The following PCDHA8 variants were observed in gnomAD, a reference collection of about 807,000 sequenced individuals.
PCDHA8 encodes protocadherin alpha 8.
PCDHA8 carries 53 observed loss-of-function variants against 61.8 expected under a neutral mutation model. The ratio of observed to expected loss-of-function variants is 0.86; its 90% confidence interval spans 0.69 to 1.08. The LOEUF is 1.08. PCDHA8 is among the 50% of genes least tolerant of loss of function. PCDHA8 has a pLI of 0.00. For missense variants in PCDHA8, 1,293 were observed against 1,245.0 expected (o/e 1.04, Z -0.58); for synonymous variants, 618 against 556.6 (o/e 1.11, Z -1.55).
At chr5:140,989,598 T>C (rs369591964) in intron 3 of PCDHA8, among the ~76,000 whole-genome samples, 431 of 152,260 alleles carry the variant, frequency 2.8e-3, no homozygotes, top group Middle Eastern at 6.8e-3. Flanking sequence ...CTGACACAAG[T>C]AAACTAAAAA....
chr5:140,858,015 C>T lies in PCDHA8; in HGVS notation c.2394+14300C>T, dbSNP rs781847343. ...GTGCTGGTGAAGGACCATGGCGAGC[C>T]GTCGCTGACGGCCACGGCCACTGTG... On this transcript the variant is annotated intron_variant, in intron 1 of 3. Transcript: ENST00000531613. The T allele has an allele frequency of 2.6e-5, 41 of 1,596,884 alleles. 4 individuals carry two copies. Among genetic ancestry groups the T allele is most frequent in the South Asian group, 1.2e-4 (11 of 90,482 alleles).
intron 1 of PCDHA8, among the ~76,000 whole-genome samples, chr5:140,949,849 G>A (rs1381006146): frequency 5.9e-5 from 9 of 151,472 alleles, no homozygotes; most frequent in Admixed American, 2.0e-4. Flanking sequence ...TTCTGTTTCC[G>A]CTTATCTGTT....
At chr5:140,938,876 AAC>A (rs142461507) in intron 1 of PCDHA8, among the ~76,000 whole-genome samples, 10 of 151,120 alleles carry the variant, frequency 6.6e-5, no homozygotes, top group Non-Finnish European at 1.3e-4. Flanking sequence ...GTTAAGAAGC[AAC>A]ACACACACAC....
chr5:140,883,447 C>T (rs967998655), intron 1 of PCDHA8: 13 of 1,614,168 alleles, frequency 8.1e-6, no homozygotes, highest in Non-Finnish European at 1.0e-5. Flanking sequence ...CGCCGCATGT[C>T]CCCTTCAAGC....
chr5:140,857,740 G>A (rs1019130313), intron 1 of PCDHA8: 1 of 1,597,496 alleles, frequency 6.3e-7, no homozygotes, highest in African/African-American at 1.3e-5. Flanking sequence ...CTCCCGCGCT[G>A]CTGGCGTCTC....
intron 3 of PCDHA8, among the ~76,000 whole-genome samples, chr5:141,008,523 C>A (rs2098380908): frequency 6.6e-6 from 1 of 152,182 alleles, no homozygotes; most frequent in Admixed American, 6.5e-5. Context: ...CAATCAGACT[C>A]TTGGGAATGT....
In PCDHA8 at chr5:140,857,247, A is replaced by T. The variant is rs140390466; in HGVS notation, c.2394+13532A>T. 1.3e-4 allele frequency: 206 copies of T among 1,598,558 alleles called. 15 individuals carry two copies. The African/African-American group carries it at 2.2e-3, about 17-fold the overall frequency. On this transcript the variant is annotated intron_variant, in intron 1 of 3. Transcript: ENST00000531613. The stretch of plus-strand genomic sequence containing the variant: ...GTTCCGTTCAAGCTGGTGTCCACCT[A>T]CAAGAATTACTACTCATTGGTGCTG...
chr5:140,937,292 C>T (rs575821972), intron 1 of PCDHA8, among the ~76,000 whole-genome samples: 2 of 152,238 alleles, frequency 1.3e-5, no homozygotes, highest in African/African-American at 4.8e-5. Context: ...CCGCTTCGGC[C>T]TCCCAAAGTG....
chr5:141,007,181 G>A (rs372000063), intron 3 of PCDHA8, among the ~76,000 whole-genome samples: 1 of 152,134 alleles, frequency 6.6e-6, no homozygotes, highest in East Asian at 1.9e-4. Context: ...AAGGTCAGGA[G>A]AATGTTTTGA....
chr5:140,930,768 C>G (rs1049798577), intron 1 of PCDHA8, among the ~76,000 whole-genome samples: 2 of 152,094 alleles, frequency 1.3e-5, no homozygotes, highest in South Asian at 2.1e-4. Context: ...ATTTTCTGTA[C>G]TTAATATTTT....
At chr5:140,912,139 GTTC>G (rs2075787473) in intron 1 of PCDHA8, among the ~76,000 whole-genome samples, 1 of 152,162 alleles carries the variant, frequency 6.6e-6, no homozygotes. Context: ...ATCTCTCCAT[GTTC>G]TTCTGCCTGT....
chr5:140,862,657 C>T (rs2047475881), intron 1 of PCDHA8: 2 of 545,364 alleles, frequency 3.7e-6, no homozygotes, highest in South Asian at 2.8e-5. Context: ...CGCGCGGGAC[C>T]GGGACGCGCA....
chr5:140,986,285 A>AGACT (rs1311762694), intron 3 of PCDHA8, among the ~76,000 whole-genome samples: 3 of 152,134 alleles, frequency 2.0e-5, no homozygotes, highest in Admixed American at 2.0e-4. Flanking sequence ...GCTTCCCTTG[A>AGACT]GACTGAGCAG....
intron 1 of PCDHA8, among the ~76,000 whole-genome samples, chr5:140,961,843 G>T (rs1244708157): frequency 1.3e-5 from 2 of 151,972 alleles, no homozygotes; most frequent in Non-Finnish European, 2.9e-5. Flanking sequence ...CAGTGCCTTG[G>T]AAGATCATTT....
At chr5:140,998,055 T>C (rs2097794971) in intron 3 of PCDHA8, among the ~76,000 whole-genome samples, 1 of 152,190 alleles carries the variant, frequency 6.6e-6, no homozygotes, top group Non-Finnish European at 1.5e-5. Flanking sequence ...AGTGACATCA[T>C]CATCAACAGA....
intron 1 of PCDHA8, among the ~76,000 whole-genome samples, chr5:140,918,975 T>C (rs141194276): frequency 6.6e-6 from 1 of 152,310 alleles, no homozygotes; most frequent in East Asian, 1.9e-4. Flanking sequence ...ATCGTTTAGG[T>C]TAGTTGGTTT....
rs139745274 is a variant in PCDHA8, at chr5:140,994,788, C to T, written c.2542+12225C>T. On this transcript the variant is annotated intron_variant, in intron 3 of 3. Coordinates refer to ENST00000531613, the MANE Select transcript of PCDHA8 (RefSeq NM_018911.3). ...AGAATTCCAGGCAAAGGAAACAATG[C>T]GTGCATGCAAAAACAAAATACAAAA... Among the ~76,000 whole-genome samples, 132 of 152,194 alleles carry T rather than the reference C, an allele frequency of 8.7e-4. 2 individuals carry two copies. The East Asian group carries it at 0.024, about 28-fold the overall frequency.
intron 1 of PCDHA8, chr5:140,849,852 C>G: frequency 3.8e-6 from 6 of 1,598,608 alleles, no homozygotes; most frequent in Non-Finnish European, 5.1e-6. Flanking sequence ...CGACAACGCA[C>G]CAGCGTTCGC....
chr5:140,845,808 A>C (rs1780048238), intron 1 of PCDHA8, among the ~76,000 whole-genome samples: 1 of 149,776 alleles, frequency 6.7e-6, no homozygotes, highest in Non-Finnish European at 1.5e-5. Context: ...AGTGATAGGT[A>C]CATAATAAAA....
Sources: allele counts gnomAD v4.1 joint callset (sites outside exome capture counted in the v4.1 genomes callset), GRCh38; gene constraint gnomAD v4.1.1; transcripts MANE v1.5; gene names NCBI Gene and HGNC (gene_info 2026-07-23, HGNC 2026-07-21).